KCNIP4: variants seen among roughly 807,000 people sequenced by gnomAD.
The protein encoded by KCNIP4 is Kv channel-interacting protein 4.
KCNIP4 carries 12 observed loss-of-function variants against 34.0 expected under a neutral mutation model. That is an observed-to-expected ratio of 0.35 (90% CI 0.23 to 0.57). The LOEUF is 0.57. KCNIP4 is among the 20% of genes least tolerant of loss of function. The pLI is 0.83. For missense variants in KCNIP4, 238 were observed against 311.7 expected, an observed-to-expected ratio of 0.76 and a Z score of 1.78; for synonymous variants, 124 against 102.2, an observed-to-expected ratio of 1.21 and a Z score of -1.29.
At chr4:21,439,476 C>T (rs770468316) in intron 1 of KCNIP4, among the ~76,000 whole-genome samples, 7 of 152,174 alleles carry the variant, frequency 4.6e-5, no homozygotes, top group Non-Finnish European at 7.3e-5. Context: ...AAGCCCCTTC[C>T]CAACCTCTCT....
At chr4:21,074,228 G>T (rs945253692) in intron 1 of KCNIP4, among the ~76,000 whole-genome samples, 4 of 152,162 alleles carry the variant, frequency 2.6e-5, no homozygotes, top group Non-Finnish European at 5.9e-5. Context: ...GCTCCTCCTT[G>T]TACCTCTGGT....
chr4:20,822,222 A>G (rs1486288591), intron 3 of KCNIP4, among the ~76,000 whole-genome samples: 3 of 152,212 alleles, frequency 2.0e-5, no homozygotes, highest in African/African-American at 7.2e-5. Context: ...TCAGCAAGAA[A>G]AAAACAAATA....
chr4:20,766,523 G>A (rs1018036583), intron 3 of KCNIP4, among the ~76,000 whole-genome samples: 8 of 152,234 alleles, frequency 5.3e-5, no homozygotes, highest in African/African-American at 1.4e-4. Context: ...CCGAGATCAC[G>A]CCACTATACT....
chr4:21,808,024 C>T (rs983249704), intron 1 of KCNIP4, among the ~76,000 whole-genome samples: 4 of 152,132 alleles, frequency 2.6e-5, no homozygotes, highest in African/African-American at 9.6e-5. Flanking sequence ...ATTGTATTAA[C>T]GTTAACATAT....
At chr4:21,302,037 A>G (rs1056145252) in intron 1 of KCNIP4, among the ~76,000 whole-genome samples, 1 of 152,214 alleles carries the variant, frequency 6.6e-6, no homozygotes, top group African/African-American at 2.4e-5. Flanking sequence ...TTTATATTAA[A>G]GTTTCTGAGA....
At chr4:21,870,253 C>A (rs538615377) in intron 1 of KCNIP4, among the ~76,000 whole-genome samples, 5 of 152,150 alleles carry the variant, frequency 3.3e-5, no homozygotes, top group Non-Finnish European at 7.3e-5. Context: ...CCTAGTAAGG[C>A]CTAGAGAAGG....
At chr4:20,929,259 A>T (rs1730199261) in intron 1 of KCNIP4, among the ~76,000 whole-genome samples, 1 of 152,092 alleles carries the variant, frequency 6.6e-6, no homozygotes, top group Admixed American at 6.5e-5. Flanking sequence ...ACATCACATT[A>T]ACAGGATGAA....
In KCNIP4 at chr4:20,905,762, C is replaced by T. The variant is rs563934956; in HGVS notation, c.62-23053G>A. ...GTCTCAAACTCCTGATGTCGTGATC[C>T]GCCCGCCTTGGCCTCCCAAAGAGCT... is the stretch of plus-strand genomic sequence containing the variant. On this transcript the variant is annotated intron_variant, in intron 1 of 8. Coordinates refer to ENST00000382152, the MANE Select transcript of KCNIP4 (RefSeq NM_025221.6). Among the ~76,000 whole-genome samples the T allele has an allele frequency of 6.6e-5, 10 of 151,706 alleles. No homozygotes were observed. The East Asian group carries it at 7.8e-4, about 12-fold the overall frequency.
At chr4:21,503,589 CT>C (rs925175807) in intron 1 of KCNIP4, among the ~76,000 whole-genome samples, 2 of 151,676 alleles carry the variant, frequency 1.3e-5, no homozygotes, top group Non-Finnish European at 2.9e-5. Context: ...GTTTTGGGAT[CT>C]TTTTTTTTCT....
intron 1 of KCNIP4, among the ~76,000 whole-genome samples, chr4:21,001,469 A>C (rs1048709859): frequency 6.6e-6 from 1 of 152,144 alleles, no homozygotes; most frequent in Non-Finnish European, 1.5e-5. Flanking sequence ...TTTGGATTTG[A>C]ACTGGGCGAG....
At chr4:21,574,360 G>A (rs1479359837) in intron 1 of KCNIP4, among the ~76,000 whole-genome samples, 2 of 151,558 alleles carry the variant, frequency 1.3e-5, no homozygotes, top group African/African-American at 4.8e-5. Flanking sequence ...CAGCTTTCTT[G>A]TATAGAGATC....
chr4:21,074,635 C>G (rs1167534440), intron 1 of KCNIP4, among the ~76,000 whole-genome samples: 1 of 152,102 alleles, frequency 6.6e-6, no homozygotes, highest in Non-Finnish European at 1.5e-5. Flanking sequence ...GTCTCTGTCT[C>G]CTTCAGTTCT....
At chr4:20,921,069 G>A (rs1489019075) in intron 1 of KCNIP4, among the ~76,000 whole-genome samples, 2 of 152,064 alleles carry the variant, frequency 1.3e-5, no homozygotes, top group Non-Finnish European at 2.9e-5. Context: ...ACTGGAAACA[G>A]GAATACTAGA....
intron 3 of KCNIP4, among the ~76,000 whole-genome samples, chr4:20,764,794 G>A (rs1486496488): frequency 1.3e-5 from 2 of 152,178 alleles, no homozygotes; most frequent in South Asian, 4.1e-4. Context: ...GAGGCGTTTG[G>A]ACAGGTCCCT....
chr4:21,849,845 G>C (rs1051048937), intron 1 of KCNIP4: 6 of 151,894 alleles, frequency 4.0e-5, no homozygotes, highest in African/African-American at 1.5e-4. Context: ...AAATGTGTGT[G>C]TGTCTGTGTG....
intron 1 of KCNIP4, among the ~76,000 whole-genome samples, chr4:21,541,180 C>CAAAAAAAAAAAA (rs60459395): frequency 3.7e-4 from 40 of 107,466 alleles, no homozygotes; most frequent in Non-Finnish European, 4.5e-4. Context: ...CAAAAGAAAA[C>CAAAAAAAAAAAA]AAAAAAAAAA....
rs1321212939 is a variant in KCNIP4, at chr4:21,234,474, TAG to T, written c.62-351767_62-351766del. Among the ~76,000 whole-genome samples the T allele has an allele frequency of 5.8e-4, 74 of 127,770 alleles. 17 individuals are homozygous for T. Among genetic ancestry groups the T allele is most frequent in the East Asian group, 1.1e-3 (5 of 4,652 alleles). The allele number at this position is 127,770 out of a possible 152,430, so 83.8% of individuals were successfully genotyped here. ...TATTACATATAACGTATATAATATA[TAG>T]TACATATAACGTATATAATATATAT... On this transcript the variant is annotated intron_variant, in intron 1 of 8. Transcript: ENST00000382152.
At chr4:21,622,836 G>T (rs1421760302) in intron 1 of KCNIP4, among the ~76,000 whole-genome samples, 1 of 152,106 alleles carries the variant, frequency 6.6e-6, no homozygotes, top group Non-Finnish European at 1.5e-5. Flanking sequence ...AATTGTCAGG[G>T]CAGGTTATAC....
chr4:21,156,193 T>G (rs965009209), intron 1 of KCNIP4, among the ~76,000 whole-genome samples: 1 of 152,210 alleles, frequency 6.6e-6, no homozygotes, highest in African/African-American at 2.4e-5. Flanking sequence ...AGATGGCAGC[T>G]GTACACAGTC....
Sources: gnomAD v4.1 joint callset for allele counts (sites outside exome capture counted in the v4.1 genomes callset) on GRCh38, gnomAD v4.1.1 for gene constraint, MANE v1.5 for transcripts, NCBI Gene and HGNC (gene_info 2026-07-23, HGNC 2026-07-21) for gene names.